KCNC2: variants seen among roughly 807,000 people sequenced by gnomAD.
KCNC2 encodes the protein potassium voltage-gated channel subfamily C member 2, also known as voltage-gated potassium channel KCNC2.
KCNC2 carries 21 observed loss-of-function variants against 44.5 expected under a neutral mutation model. The observed-to-expected ratio is 0.47, with a 90% CI of 0.33 to 0.68. The LOEUF (loss-of-function observed/expected upper bound fraction) is 0.68, where lower values mean the gene tolerates loss of function less well. Ranked by LOEUF, KCNC2 falls within the 30% of genes least tolerant of loss-of-function variation. KCNC2 has a pLI of 0.01. For synonymous variants in KCNC2, 391 were observed against 339.1 expected, an observed-to-expected ratio of 1.15 and a Z score of -1.68; for missense variants, 589 against 826.2, an observed-to-expected ratio of 0.71 and a Z score of 3.52.
chr12:75,063,791 C>A lies in KCNC2; in HGVS notation c.688-12474G>T, dbSNP rs192707769. Among the ~76,000 whole-genome samples, 584 of 152,164 alleles carry A rather than the reference C, an allele frequency of 3.8e-3. 2 individuals carry two copies. Among genetic ancestry groups the A allele is most frequent in the Non-Finnish European group, 6.5e-3 (441 of 67,952 alleles). ...ATATGCATATGAACCAGAGACAGGA[C>A]AAATCCTTTTATAATTTCTGATGAA... On this transcript the variant is annotated intron_variant, in intron 2 of 4. Transcript: ENST00000549446.
chr12:75,111,657 T>G (rs1411758419), intron 2 of KCNC2, among the ~76,000 whole-genome samples: 1 of 151,910 alleles, frequency 6.6e-6, no homozygotes, highest in Non-Finnish European at 1.5e-5. Context: ...ACATTTTCAT[T>G]AAGTATTCTT....
At chr12:75,180,898 T>C (rs1374581861) in intron 2 of KCNC2, among the ~76,000 whole-genome samples, 1 of 152,048 alleles carries the variant, frequency 6.6e-6, no homozygotes, top group Non-Finnish European at 1.5e-5. Flanking sequence ...ATGTCTTCCA[T>C]AGTTAGCATT....
intron 2 of KCNC2, among the ~76,000 whole-genome samples, chr12:75,187,140 G>GT (rs1170853363): frequency 6.6e-6 from 1 of 152,156 alleles, no homozygotes; most frequent in Non-Finnish European, 1.5e-5. Context: ...TGGAAGATAA[G>GT]CACTTTCCCT....
At chr12:75,175,849 G>A (rs995872435) in intron 2 of KCNC2, among the ~76,000 whole-genome samples, 3 of 152,078 alleles carry the variant, frequency 2.0e-5, no homozygotes, top group African/African-American at 4.8e-5. Context: ...TTTAAGAACA[G>A]GGTTGCCAGG....
chr12:75,042,641 G>T lies in KCNC2; in HGVS notation c.*464C>A. Reference sequence around the variant, plus strand: ...GAACTCTGCAACATTGCTTTCAGGTGATAGAGACAAGATGGTCCATGCAAA... The same window carrying T: ...GAACTCTGCAACATTGCTTTCAGGTTATAGAGACAAGATGGTCCATGCAAA... On this transcript the variant is annotated 3_prime_UTR_variant, in exon 5 of 5. Transcript: ENST00000549446. 1 of 1,236,600 alleles carries T rather than the reference G, an allele frequency of 8.1e-7. No homozygotes were observed. The highest frequency in any genetic ancestry group is 1.0e-6 in the Non-Finnish European group (1 of 986,974). The allele number at this position is 1,236,600 out of a possible 1,614,324, so 76.6% of individuals were successfully genotyped here.
intron 2 of KCNC2, among the ~76,000 whole-genome samples, chr12:75,118,419 T>A (rs1474230986): frequency 6.6e-6 from 1 of 151,932 alleles, no homozygotes; most frequent in African/African-American, 2.4e-5. Context: ...GGGTGGCAGG[T>A]TTATATAATG....
At chr12:75,047,926 C>T (rs962571545) in intron 4 of KCNC2, among the ~76,000 whole-genome samples, 1 of 151,644 alleles carries the variant, frequency 6.6e-6, no homozygotes, top group African/African-American at 2.4e-5. Flanking sequence ...AATGGCAAAC[C>T]AAAGAAGAGA....
chr12:75,043,189 A>G lies in KCNC2; in HGVS notation c.1833T>C (p.Ala611=). 1 of 1,612,524 alleles carries G rather than the reference A, an allele frequency of 6.2e-7. No individual in the cohort carries two copies. The highest frequency in any genetic ancestry group is 8.5e-7 in the Non-Finnish European group (1 of 1,179,026). The change falls in exon 5 of 5, where the codon GCT becomes GCC. Residue 611 remains alanine, a synonymous_variant. Transcript: ENST00000549446. ...LNNIAGLAGN[A]LRLSPVTSPY... is the part of the protein sequence containing the mutation. Reference sequence around the variant, plus strand: ...GTGATGTTACTGGAGAGAGCCTCAGAGCATTGCCTGCCAAGCCCGCTATGT... The same window carrying G: ...GTGATGTTACTGGAGAGAGCCTCAGGGCATTGCCTGCCAAGCCCGCTATGT...
In KCNC2 at chr12:75,125,617, A is replaced by G. The variant is rs868376037; in HGVS notation, c.688-74300T>C. Reference sequence around the variant, plus strand: ...AAAGTGATCATTCTGAATATGAGACATTGCGCTATGCCTTCTGTTTTCATA... The same window carrying G: ...AAAGTGATCATTCTGAATATGAGACGTTGCGCTATGCCTTCTGTTTTCATA... On this transcript the variant is annotated intron_variant, in intron 2 of 4. Transcript: ENST00000549446. Among the ~76,000 whole-genome samples, 3 of 152,188 alleles carry G rather than the reference A, an allele frequency of 2.0e-5. No homozygotes were observed. In the South Asian group the frequency reaches 6.2e-4, roughly 31 times the overall value.
chr12:75,151,765 A>T (rs1890410440), intron 2 of KCNC2, among the ~76,000 whole-genome samples: 1 of 151,442 alleles, frequency 6.6e-6, no homozygotes, highest in South Asian at 2.1e-4. Flanking sequence ...ACCAAACAGA[A>T]CTGATAGAAA....
At chr12:75,163,251 A>AC (rs774552726) in intron 2 of KCNC2, among the ~76,000 whole-genome samples, 50 of 151,894 alleles carry the variant, frequency 3.3e-4, no homozygotes, top group Middle Eastern at 3.4e-3. Context: ...TTATTTCCTT[A>AC]ATCTCTGTCA....
intron 2 of KCNC2, among the ~76,000 whole-genome samples, chr12:75,129,141 G>A (rs1486346254): frequency 1.3e-5 from 2 of 152,142 alleles, no homozygotes; most frequent in East Asian, 1.9e-4. Flanking sequence ...TCAAGCTACT[G>A]TCTTATAAAG....
chr12:75,056,446 ATT>A (rs1881753730), intron 2 of KCNC2, among the ~76,000 whole-genome samples: 2 of 151,976 alleles, frequency 1.3e-5, no homozygotes, highest in South Asian at 4.1e-4. Flanking sequence ...AGGAATTTCC[ATT>A]TTTATAATTT....
At chr12:75,191,270 C>G (rs1307780173) in intron 2 of KCNC2, among the ~76,000 whole-genome samples, 1 of 151,656 alleles carries the variant, frequency 6.6e-6, no homozygotes, top group East Asian at 1.9e-4. Flanking sequence ...CGTATGCCCT[C>G]ATGGATATAA....
chr12:75,172,863 C>A (rs2137590692), intron 2 of KCNC2, among the ~76,000 whole-genome samples: 1 of 151,920 alleles, frequency 6.6e-6, no homozygotes, highest in East Asian at 1.9e-4. Context: ...GCCCCCAAAG[C>A]ACCAGTTCAG....
intron 2 of KCNC2, among the ~76,000 whole-genome samples, chr12:75,204,071 G>A (rs1235922618): frequency 6.6e-6 from 1 of 151,744 alleles, no homozygotes; most frequent in Non-Finnish European, 1.5e-5. Flanking sequence ...TCACTCACTA[G>A]CATCAACAAA....
intron 2 of KCNC2, among the ~76,000 whole-genome samples, chr12:75,066,931 G>A (rs539630398): frequency 2.6e-5 from 4 of 152,132 alleles, no homozygotes; most frequent in African/African-American, 4.8e-5. Flanking sequence ...AGGTGGGCAT[G>A]GTGGCTCACG....
chr12:75,112,710 A>G (rs1479780669), intron 2 of KCNC2, among the ~76,000 whole-genome samples: 2 of 152,058 alleles, frequency 1.3e-5, no homozygotes, highest in East Asian at 3.8e-4. Flanking sequence ...ATCAGCTACC[A>G]AAAAATGTAA....
At chr12:75,075,351 G>GAA (rs36142679) in intron 2 of KCNC2, among the ~76,000 whole-genome samples, 1 of 150,606 alleles carries the variant, frequency 6.6e-6, no homozygotes, top group African/African-American at 2.4e-5. Flanking sequence ...TATCCCTTCA[G>GAA]AAAAAAAATA....
Sources: allele counts gnomAD v4.1 joint callset (sites outside exome capture counted in the v4.1 genomes callset), GRCh38; gene constraint gnomAD v4.1.1; transcripts MANE v1.5; gene names NCBI Gene and HGNC (gene_info 2026-07-23, HGNC 2026-07-21).